Variants in RCAN2 observed in about 807,000 individuals in gnomAD.
RCAN2 encodes the protein regulator of calcineurin 2, also known as calcipressin-2.
A neutral mutation model predicts 23.6 loss-of-function variants in RCAN2; 9 were observed. That is an observed-to-expected ratio of 0.38 (90% CI 0.23 to 0.67). The LOEUF (loss-of-function observed/expected upper bound fraction) is 0.67. Among genes scored for constraint, RCAN2 ranks in the 30% least tolerant of loss-of-function variants. RCAN2 has a pLI of 0.51. For synonymous variants in RCAN2, 109 were observed against 115.7 expected (o/e 0.94, Z 0.37); for missense variants, 273 against 302.3 (o/e 0.90, Z 0.72).
intron 2 of RCAN2, among the ~76,000 whole-genome samples, chr6:46,371,369 A>G (rs1477053053): frequency 6.6e-6 from 1 of 152,236 alleles, no homozygotes; most frequent in East Asian, 1.9e-4. Context: ...GGGAAGCATG[A>G]GCACAGGGCT....
At chr6:46,389,483 T>C (rs1275094371) in intron 2 of RCAN2, among the ~76,000 whole-genome samples, 2 of 152,220 alleles carry the variant, frequency 1.3e-5, no homozygotes, top group Non-Finnish European at 2.9e-5. Flanking sequence ...AAAGTACTGA[T>C]GACAGCGATA....
rs183373457 is a variant in RCAN2, at chr6:46,474,817, G to T, written c.-3+16356C>A. On this transcript the variant is annotated intron_variant, in intron 1 of 4. Transcript: ENST00000371374. ...AAAAGATAAATTGAACACAATTGGG[G>T]GTGAGTAGCTGGGAAAGAAACATAA... 2.0e-4 allele frequency among the ~76,000 whole-genome samples: 31 copies of T among 152,302 alleles called. No individual in the cohort carries two copies. The East Asian group carries it at 6.0e-3, about 29-fold the overall frequency.
At chr6:46,473,177 G>T (rs1273055090) in intron 1 of RCAN2, among the ~76,000 whole-genome samples, 1 of 152,050 alleles carries the variant, frequency 6.6e-6, no homozygotes, top group Non-Finnish European at 1.5e-5. Flanking sequence ...ACATTTATGT[G>T]GTCTCTTATT....
Position 46,293,431 on chromosome 6 carries a change from A to G in RCAN2, c.226-44535T>C, listed in dbSNP as rs186996666. On this transcript the variant is annotated intron_variant, in intron 2 of 4. Transcript: ENST00000371374. ...TCATGGGTGGGTATAGACATTAGCT[A>G]TATGGTAGCCACACACTTTATATAT... Among the ~76,000 whole-genome samples, 1,005 of 152,326 alleles carry G rather than the reference A, an allele frequency of 6.6e-3. 2 individuals are homozygous for G. The highest frequency in any genetic ancestry group is 0.012 in the Admixed American group (178 of 15,294).
chr6:46,455,113 G>A (rs1042726327), intron 2 of RCAN2, among the ~76,000 whole-genome samples: 10 of 152,132 alleles, frequency 6.6e-5, no homozygotes, highest in African/African-American at 2.2e-4. Flanking sequence ...ATATTTCAGA[G>A]GAAACTACTT....
rs985453283 is a variant in RCAN2 at position 46,346,082 on chromosome 6, G to A, written c.226-97186C>T. ...CAGAATATGCTTTCTGATCACAAAGGAATTAAATTAGAAATCAATTTGAAA... is the reference window on the plus strand; with the variant it reads ...CAGAATATGCTTTCTGATCACAAAGAAATTAAATTAGAAATCAATTTGAAA... On this transcript the variant is annotated intron_variant, in intron 2 of 4. Transcript: ENST00000371374. 2.0e-5 allele frequency among the ~76,000 whole-genome samples: 3 copies of A among 151,820 alleles called. No homozygotes were observed. The East Asian group carries it at 5.8e-4, about 29-fold the overall frequency.
At chr6:46,407,479 A>G (rs1190026085) in intron 2 of RCAN2, among the ~76,000 whole-genome samples, 2 of 152,250 alleles carry the variant, frequency 1.3e-5, no homozygotes, top group Non-Finnish European at 2.9e-5. Flanking sequence ...GACTCAGGCA[A>G]AGATCCCATC....
chr6:46,413,465 C>T (rs1040608736), intron 2 of RCAN2, among the ~76,000 whole-genome samples: 4 of 152,090 alleles, frequency 2.6e-5, no homozygotes, highest in African/African-American at 9.7e-5. Flanking sequence ...CCTCCTGATA[C>T]TTGTGGATTA....
intron 2 of RCAN2, among the ~76,000 whole-genome samples, chr6:46,340,135 A>AAG (rs1764265021): frequency 6.6e-6 from 1 of 152,172 alleles, no homozygotes; most frequent in Non-Finnish European, 1.5e-5. Context: ...CCTTTCATGG[A>AAG]CAGATTATTT....
rs568874303 is a variant in RCAN2, at chr6:46,344,809, C to A, written c.226-95913G>T. 7.9e-5 allele frequency among the ~76,000 whole-genome samples: 12 copies of A among 151,284 alleles called. No individual in the cohort carries two copies. In the South Asian group the frequency reaches 2.1e-3, roughly 26 times the overall value. ...AAAAGGAACAACAAAGGAATATAGG[C>A]CAGATAGAACCAATAGAAAACAAAT... On this transcript the variant is annotated intron_variant, in intron 2 of 4. Coordinates refer to ENST00000371374, the MANE Select transcript of RCAN2 (RefSeq NM_001251974.2).
At chr6:46,457,088 A>G (rs1224212138) in intron 1 of RCAN2, 110 bp from the exon 2 acceptor site, 1 of 682,976 alleles carries the variant, frequency 1.5e-6, no homozygotes, top group Admixed American at 2.7e-5. Flanking sequence ...TACGATTAGG[A>G]GCAGAGGCAG....
chr6:46,445,325 G>A (rs1235073057), intron 2 of RCAN2, among the ~76,000 whole-genome samples: 2 of 152,132 alleles, frequency 1.3e-5, no homozygotes, highest in East Asian at 3.9e-4. Flanking sequence ...CACCAGGCCT[G>A]CCCACCTGCT....
chr6:46,362,969 A>G (rs971026639), intron 2 of RCAN2, among the ~76,000 whole-genome samples: 2 of 152,148 alleles, frequency 1.3e-5, no homozygotes, highest in African/African-American at 4.8e-5. Context: ...ATTAAAATTA[A>G]CTTTTTAAAT....
At chr6:46,294,376 A>T (rs78910682) in intron 2 of RCAN2, among the ~76,000 whole-genome samples, 1 of 152,154 alleles carries the variant, frequency 6.6e-6, no homozygotes, top group Non-Finnish European at 1.5e-5. Flanking sequence ...ATAATTTGTT[A>T]TCTCTTTTCT....
chr6:46,298,760 A>G (rs1762804070), intron 2 of RCAN2, among the ~76,000 whole-genome samples: 1 of 152,116 alleles, frequency 6.6e-6, no homozygotes, highest in Non-Finnish European at 1.5e-5. Context: ...ACTACTGGGT[A>G]TAAACCAAAG....
intron 2 of RCAN2, among the ~76,000 whole-genome samples, chr6:46,348,871 CA>C (rs1488222379): frequency 6.6e-6 from 1 of 152,098 alleles, no homozygotes. Context: ...CATATTCCCC[CA>C]ATTATTCCCC....
intron 4 of RCAN2, among the ~76,000 whole-genome samples, chr6:46,246,062 C>G (rs189449236): frequency 7.9e-5 from 12 of 152,246 alleles, no homozygotes; most frequent in African/African-American, 2.9e-4. Context: ...TAGAGATGTA[C>G]AAGAATGTTA....
intron 2 of RCAN2, among the ~76,000 whole-genome samples, chr6:46,398,616 C>A (rs565785953): frequency 5.9e-5 from 9 of 151,894 alleles, no homozygotes; most frequent in African/African-American, 2.2e-4. Flanking sequence ...TCTCACAGAC[C>A]AATGAGAAAA....
chr6:46,487,225 A>C (rs1009012326), intron 1 of RCAN2, among the ~76,000 whole-genome samples: 2 of 152,258 alleles, frequency 1.3e-5, no homozygotes, highest in Non-Finnish European at 2.9e-5. Flanking sequence ...CAAAAGAAGA[A>C]TTGAAAACTC....
Sources: allele counts gnomAD v4.1 joint callset (sites outside exome capture counted in the v4.1 genomes callset), GRCh38; gene constraint gnomAD v4.1.1; transcripts MANE v1.5; gene names NCBI Gene and HGNC (gene_info 2026-07-23, HGNC 2026-07-21).